RNF150: variants seen among roughly 807,000 people sequenced by gnomAD.
RNF150 encodes the protein ring finger protein 150.
In RNF150, 24 loss-of-function variants were observed where a neutral mutation model predicts 39.3. That is an observed-to-expected ratio of 0.61 (90% CI 0.44 to 0.86). The LOEUF (loss-of-function observed/expected upper bound fraction) is 0.86. Ranked by LOEUF, RNF150 falls within the 40% of genes least tolerant of loss-of-function variation. RNF150 has a pLI of 0.00. For synonymous variants in RNF150, 255 were observed against 227.3 expected (o/e 1.12, Z -1.10); for missense variants, 502 against 587.8 (o/e 0.85, Z 1.51).
At chr4:141,013,145 G>A (rs1253111084) in intron 1 of RNF150, among the ~76,000 whole-genome samples, 1 of 152,180 alleles carries the variant, frequency 6.6e-6, no homozygotes, top group East Asian at 1.9e-4. Flanking sequence ...TTATGTCATG[G>A]TGGTTGTATC....
chr4:141,173,088 G>A (rs1437123907), intron 1 of RNF150, among the ~76,000 whole-genome samples: 1 of 152,112 alleles, frequency 6.6e-6, no homozygotes, highest in Non-Finnish European at 1.5e-5. Flanking sequence ...AAGTGCTACT[G>A]AAGACATGGT....
chr4:141,193,702 G>T (rs1728153160), intron 1 of RNF150, among the ~76,000 whole-genome samples: 1 of 152,110 alleles, frequency 6.6e-6, no homozygotes, highest in Non-Finnish European at 1.5e-5. Flanking sequence ...TGGCACAATA[G>T]AGCAGGATGT....
chr4:140,972,298 TCAA>T (rs1001708339), intron 1 of RNF150, among the ~76,000 whole-genome samples: 6 of 152,114 alleles, frequency 3.9e-5, no homozygotes, highest in East Asian at 1.9e-4. Flanking sequence ...ACTTTTTGCA[TCAA>T]CAAGTATATT....
Position 141,042,766 on chromosome 4 carries a change from C to T in RNF150, c.485-74893G>A, listed in dbSNP as rs533647026. Among the ~76,000 whole-genome samples, 3 of 152,112 alleles carry T rather than the reference C, an allele frequency of 2.0e-5. No individual in the cohort carries two copies. In the South Asian group the frequency reaches 6.2e-4, roughly 32 times the overall value. ...TAGTATTCACACATTCATTCTTATT[C>T]TCTCTCTCCCCTTCCGCCCATGTGT... On this transcript the variant is annotated intron_variant, in intron 1 of 6. Transcript: ENST00000515673.
At chr4:141,171,468 G>C (rs1162831820) in intron 1 of RNF150, among the ~76,000 whole-genome samples, 3 of 139,820 alleles carry the variant, frequency 2.1e-5, no homozygotes, top group Non-Finnish European at 3.2e-5. Flanking sequence ...GAAAGAGAGA[G>C]AGAGAGAGAG....
intron 4 of RNF150, among the ~76,000 whole-genome samples, chr4:140,945,537 AATAC>A (rs924499589): frequency 4.1e-5 from 6 of 145,028 alleles, no homozygotes; most frequent in Non-Finnish European, 7.6e-5. Flanking sequence ...TATACATATA[AATAC>A]ATATATACAC....
intron 1 of RNF150, among the ~76,000 whole-genome samples, chr4:140,994,597 T>G (rs891196952): frequency 6.6e-6 from 1 of 152,094 alleles, no homozygotes; most frequent in African/African-American, 2.4e-5. Context: ...AAACCACATT[T>G]AAAATGCATC....
intron 1 of RNF150, among the ~76,000 whole-genome samples, chr4:141,035,404 C>G (rs772883649): frequency 6.6e-6 from 1 of 152,058 alleles, no homozygotes; most frequent in Non-Finnish European, 1.5e-5. Flanking sequence ...TACAGTTTAC[C>G]CTAAAAAGAA....
Position 141,132,826 on chromosome 4 carries a change from C to T in RNF150, c.-18G>A, listed in dbSNP as rs1726938310. The T allele has an allele frequency of 6.3e-7, 1 of 1,588,802 alleles. No homozygotes were observed. The highest frequency in any genetic ancestry group is 1.4e-5 in the African/African-American group (1 of 73,560). On this transcript the variant is annotated 5_prime_UTR_variant, in exon 1 of 7. Transcript: ENST00000515673. The surrounding 1 kb of genome is among the most constrained non-coding windows in gnomAD (Gnocchi z 4.9). ...ATTGCCATCTTTATCCGCCGGGGCC[C>T]CCTCCCCGCCCCCGCGCCCTCCCTC...
chr4:141,174,461 A>G (rs1284746545), intron 1 of RNF150, among the ~76,000 whole-genome samples: 3 of 152,178 alleles, frequency 2.0e-5, no homozygotes, highest in Admixed American at 2.0e-4. Context: ...TACTTAAGCC[A>G]CTATTATTTT....
chr4:140,954,634 G>A (rs927379345), intron 2 of RNF150, among the ~76,000 whole-genome samples: 4 of 152,120 alleles, frequency 2.6e-5, no homozygotes, highest in Non-Finnish European at 2.9e-5. Flanking sequence ...CAATAGTGAA[G>A]ATAAACTGTG....
At position 140,963,105 on chromosome 4, in the gene RNF150, A is replaced by G. The variant is rs116655959; in HGVS notation, c.735+4518T>C. 5.4e-3 allele frequency among the ~76,000 whole-genome samples: 823 copies of G among 152,108 alleles called. 10 individuals carry two copies. Among genetic ancestry groups the G allele is most frequent in the African/African-American group, 0.019 (802 of 41,540 alleles). The stretch of plus-strand genomic sequence containing the variant: ...TAGTGGGTAACTTGTCTTTTTCAGA[A>G]TTTTTCTATGATTGTGAAATTTACT... On this transcript the variant is annotated intron_variant, in intron 2 of 6. Transcript: ENST00000515673.
At chr4:140,953,522 ATTT>A (rs3033157) in intron 2 of RNF150, among the ~76,000 whole-genome samples, 32 of 150,542 alleles carry the variant, frequency 2.1e-4, no homozygotes, top group Middle Eastern at 3.4e-3. Flanking sequence ...GTAATAAAAG[ATTT>A]TTTTTTTTTT....
intron 1 of RNF150, among the ~76,000 whole-genome samples, chr4:141,117,242 T>C (rs1478196229): frequency 6.6e-6 from 1 of 152,226 alleles, no homozygotes; most frequent in Non-Finnish European, 1.5e-5. Context: ...TAACTTACAC[T>C]AAGAAGTGTT....
intron 1 of RNF150, among the ~76,000 whole-genome samples, chr4:140,981,181 A>G (rs1733847011): frequency 1.3e-5 from 2 of 152,186 alleles, no homozygotes; most frequent in Non-Finnish European, 2.9e-5. Context: ...GTCAAGTTAA[A>G]AGACCAACTA....
At chr4:141,019,880 T>C (rs1735422886) in intron 1 of RNF150, among the ~76,000 whole-genome samples, 1 of 152,172 alleles carries the variant, frequency 6.6e-6, no homozygotes, top group Non-Finnish European at 1.5e-5. Flanking sequence ...GAGGATCTAA[T>C]TCAGCTTATA....
intron 1 of RNF150, among the ~76,000 whole-genome samples, chr4:141,089,527 G>A (rs1738498082): frequency 6.6e-6 from 1 of 152,128 alleles, no homozygotes; most frequent in South Asian, 2.1e-4. Flanking sequence ...TCAAGGAAAA[G>A]TGTCCTGGGG....
intron 1 of RNF150, among the ~76,000 whole-genome samples, chr4:141,025,564 G>A (rs1471518545): frequency 6.6e-6 from 1 of 151,956 alleles, no homozygotes; most frequent in African/African-American, 2.4e-5. Context: ...GAATGGGGAA[G>A]AAATTGGTAA....
At chr4:141,179,428 T>C (rs1727867476) in intron 1 of RNF150, among the ~76,000 whole-genome samples, 1 of 152,244 alleles carries the variant, frequency 6.6e-6, no homozygotes, top group Non-Finnish European at 1.5e-5. Flanking sequence ...CATTTGATTG[T>C]ATAAATATTC....
Sources: gnomAD v4.1 joint callset for allele counts (sites outside exome capture counted in the v4.1 genomes callset) on GRCh38, gnomAD v4.1.1 for gene constraint, Gnocchi (gnomAD v3.1) non-coding constraint, MANE v1.5 for transcripts, NCBI Gene and HGNC (gene_info 2026-07-23, HGNC 2026-07-21) for gene names.